Variants in ORC5 observed in about 807,000 individuals in gnomAD.
ORC5 encodes the protein origin recognition complex subunit 5, also known as protein phosphatase 1, regulatory subunit 117.
ORC5 carries 39 observed loss-of-function variants against 58.8 expected under a neutral mutation model. The observed-to-expected ratio is 0.66, with a 90% CI of 0.51 to 0.87. The LOEUF is 0.87. ORC5 is among the 40% of genes least tolerant of loss of function. ORC5 has a pLI of 0.00. For missense variants in ORC5, 493 were observed against 506.3 expected, an observed-to-expected ratio of 0.97 and a Z score of 0.25; for synonymous variants, 218 against 177.6, an observed-to-expected ratio of 1.23 and a Z score of -1.81.
intron 11 of ORC5, among the ~76,000 whole-genome samples, chr7:104,163,295 G>A (rs545493734): frequency 6.6e-6 from 1 of 152,154 alleles, no homozygotes; most frequent in Non-Finnish European, 1.5e-5. Context: ...AATGAAATAT[G>A]AATAGAAGTG....
chr7:104,206,542 T>C (rs1390951611), intron 1 of ORC5, among the ~76,000 whole-genome samples: 1 of 152,148 alleles, frequency 6.6e-6, no homozygotes, highest in African/African-American at 2.4e-5. Flanking sequence ...ATAATATAAC[T>C]ATAATTGAAA....
At chr7:104,139,359 T>A (rs1320276872) in intron 12 of ORC5, among the ~76,000 whole-genome samples, 1 of 152,202 alleles carries the variant, frequency 6.6e-6, no homozygotes, top group East Asian at 1.9e-4. Context: ...CTTTTTTTTA[T>A]AGATAAGCCT....
At chr7:104,187,863 G>C in intron 6 of ORC5, 2 of 989,122 alleles carry the variant, frequency 2.0e-6, no homozygotes, top group Non-Finnish European at 2.4e-6. Context: ...CATAAAACTT[G>C]AACAAAATCT....
intron 8 of ORC5, among the ~76,000 whole-genome samples, chr7:104,169,493 G>A (rs541594886): frequency 5.4e-4 from 81 of 151,358 alleles, no homozygotes; most frequent in African/African-American, 1.9e-3. Context: ...GCATGACTTC[G>A]AAAAAATGAA....
intron 12 of ORC5, among the ~76,000 whole-genome samples, chr7:104,145,245 C>T (rs576655215): frequency 7.2e-5 from 11 of 152,108 alleles, no homozygotes; most frequent in Non-Finnish European, 1.5e-4. Context: ...ATATTAACTT[C>T]GACCCTTCTT....
At chr7:104,173,314 C>T (rs1278329864) in intron 8 of ORC5, among the ~76,000 whole-genome samples, 1 of 152,210 alleles carries the variant, frequency 6.6e-6, no homozygotes, top group Non-Finnish European at 1.5e-5. Flanking sequence ...AAACCTTTGC[C>T]TCTCTTTACC....
intron 3 of ORC5, among the ~76,000 whole-genome samples, chr7:104,199,161 C>T (rs1366504791): frequency 4.8e-5 from 4 of 82,674 alleles, no homozygotes; most frequent in Admixed American, 2.8e-4. Flanking sequence ...GGGGTTGGAC[C>T]CCCCCTACAG....
At chr7:104,197,874 G>T in intron 3 of ORC5, 75 bp from the exon 4 acceptor site, 1 of 874,602 alleles carries the variant, frequency 1.1e-6, no homozygotes, top group Non-Finnish European at 1.8e-6. Context: ...ATTTGACTAT[G>T]TCCCCCAAAG....
At position 104,197,803 on chromosome 7, in the gene ORC5, TAAAAAACA is replaced by T. The variant is rs1799837374; in HGVS notation, c.367-12_367-5del. The T allele has an allele frequency of 6.5e-7, 1 of 1,538,854 alleles. No homozygotes were observed. The highest frequency in any genetic ancestry group is 8.8e-7 in the Non-Finnish European group (1 of 1,140,814). On this transcript the variant is annotated splice_polypyrimidine_tract_variant and splice_region_variant and intron_variant, in intron 3 of 13. Coordinates refer to ENST00000297431, the MANE Select transcript of ORC5 (RefSeq NM_002553.4). ...GATACTCTGCTTTATCTAGAACCTTTAAAAAACAAAAAAACAAAACAAAAAGAAATGCA... is the reference window on the plus strand; with the variant it reads ...GATACTCTGCTTTATCTAGAACCTTTAAAAAACAAAACAAAAAGAAATGCA...
intron 13 of ORC5, among the ~76,000 whole-genome samples, chr7:104,128,476 G>T (rs1035522808): frequency 6.6e-6 from 1 of 152,010 alleles, no homozygotes; most frequent in South Asian, 2.1e-4. Flanking sequence ...TTATTTAGAG[G>T]ACCATAGAAA....
chr7:104,190,503 T>C (rs926064878), intron 5 of ORC5, among the ~76,000 whole-genome samples: 1 of 152,190 alleles, frequency 6.6e-6, no homozygotes, highest in African/African-American at 2.4e-5. Context: ...TCAGACTCTT[T>C]ATAAAATACC....
intron 9 of ORC5, among the ~76,000 whole-genome samples, chr7:104,167,371 T>C (rs1799125598): frequency 1.3e-5 from 2 of 152,196 alleles, no homozygotes. Flanking sequence ...CCCTAAATTC[T>C]GAAAAATCAA....
chr7:104,178,314 C>G (rs1175832505), intron 8 of ORC5, among the ~76,000 whole-genome samples: 2 of 152,146 alleles, frequency 1.3e-5, no homozygotes, highest in African/African-American at 4.8e-5. Flanking sequence ...TCTCTAATGA[C>G]CAGTGCTGAT....
intron 6 of ORC5, 169 bp downstream of exon 6, chr7:104,188,082 T>C (rs1434294563): frequency 4.2e-6 from 4 of 954,826 alleles, no homozygotes; most frequent in African/African-American, 1.6e-5. Flanking sequence ...TCTTATGGTA[T>C]GTTAGTCTCT....
intron 8 of ORC5, among the ~76,000 whole-genome samples, chr7:104,180,153 C>T (rs1799404417): frequency 6.6e-6 from 1 of 152,168 alleles, no homozygotes; most frequent in South Asian, 2.1e-4. Context: ...ATAGTGTGTT[C>T]TCACAAGCTT....
chr7:104,207,346 T>A (rs1726962076), intron 1 of ORC5, among the ~76,000 whole-genome samples: 1 of 152,220 alleles, frequency 6.6e-6, no homozygotes, highest in Non-Finnish European at 1.5e-5. Flanking sequence ...TCTTCTGGAC[T>A]GTTACAATTC....
chr7:104,200,924 A>C lies in ORC5; in HGVS notation c.200T>G (p.Phe67Cys). Residue 67 changes from phenylalanine to cysteine, a missense_variant, in exon 3 of 14, where the codon TTT (phenylalanine) becomes TGT (cysteine). This residue lies in a region of ORC5 where 412 missense variants were observed against 403.7 expected (regional missense o/e 1.02). Transcript: ENST00000297431. Reference protein sequence around the residue: ...PHVFVNCVECFTLRLLLEQIL... With the variant: ...PHVFVNCVECCTLRLLLEQIL... The stretch of plus-strand genomic sequence containing the variant: ...TTGTTCCAAAAGCAGCCTCAATGTA[A>C]AGCATTCAACACAATTCACAAACAC... 1.2e-6 allele frequency: 2 copies of C among 1,613,612 alleles called. No individual in the cohort carries two copies. The highest frequency in any genetic ancestry group is 1.1e-5 in the South Asian group (1 of 91,028).
At position 104,200,916 on chromosome 7, in the gene ORC5, T is replaced by G; in HGVS notation, c.208A>C (p.Arg70=). The G allele has an allele frequency of 6.2e-7, 1 of 1,613,686 alleles. No homozygotes were observed. The highest frequency in any genetic ancestry group is 8.5e-7 in the Non-Finnish European group (1 of 1,179,694). ...TTTAAAATTTGTTCCAAAAGCAGCC[T>G]CAATGTAAAGCATTCAACACAATTC... ...FVNCVECFTL[R]LLLEQILNKL... The change falls in exon 3 of 14, where the codon AGG becomes CGG. Residue 70 remains arginine (R), a synonymous_variant. Transcript: ENST00000297431.
At position 104,207,976 on chromosome 7, in the gene ORC5, G is replaced by A. The variant is rs997423491; in HGVS notation, c.-72C>T. 1.8e-5 allele frequency: 26 copies of A among 1,412,754 alleles called. No homozygotes were observed. The highest frequency in any genetic ancestry group is 1.8e-4 in the Middle Eastern group (1 of 5,544). 87.5% of individuals were successfully genotyped at this position (1,412,754 alleles called of 1,614,324 possible). A position where few individuals can be genotyped will look rare whatever the true frequency, so the allele number is the denominator to read the frequency against. The stretch of plus-strand genomic sequence containing the variant: ...CCTTGCACAAGACGGAGCCTCTCCC[G>A]AGTCTGGCGGCCCACGCTCCCGCCG... On this transcript the variant is annotated 5_prime_UTR_variant, in exon 1 of 14. Coordinates refer to ENST00000297431, the MANE Select transcript of ORC5 (RefSeq NM_002553.4).
Sources: allele counts gnomAD v4.1 joint callset (sites outside exome capture counted in the v4.1 genomes callset), GRCh38; gene constraint gnomAD v4.1.1; regional missense constraint gnomAD v4.1.1; transcripts MANE v1.5; gene names NCBI Gene and HGNC (gene_info 2026-07-23, HGNC 2026-07-21).